SOCS7: variants seen among roughly 807,000 people sequenced by gnomAD.
SOCS7 encodes the protein suppressor of cytokine signaling 7, also known as NAP-4.
In SOCS7, 18 loss-of-function variants were observed where a neutral mutation model predicts 58.9. The ratio of observed to expected loss-of-function variants is 0.31; its 90% CI spans 0.21 to 0.45. SOCS7 has a LOEUF of 0.45. SOCS7 is among the 20% of genes least tolerant of loss of function. SOCS7 has a pLI of 1.00. For missense variants in SOCS7, 667 were observed against 837.3 expected (o/e 0.80, Z 2.51); for synonymous variants, 388 against 364.3 (o/e 1.06, Z -0.74).
At chr17:38,363,905 T>C (rs1235914628) in intron 2 of SOCS7, among the ~76,000 whole-genome samples, 2 of 152,188 alleles carry the variant, frequency 1.3e-5, no homozygotes, top group Non-Finnish European at 2.9e-5. Flanking sequence ...AAAATAACCG[T>C]ATTCCTGGCT....
intron 7 of SOCS7, among the ~76,000 whole-genome samples, chr17:38,383,924 C>T (rs550692943): frequency 6.6e-6 from 1 of 152,272 alleles, no homozygotes; most frequent in South Asian, 2.1e-4. Context: ...GGTTATTTCA[C>T]TTACGCTTGT....
intron 7 of SOCS7, among the ~76,000 whole-genome samples, chr17:38,384,245 T>C (rs917194427): frequency 1.3e-5 from 2 of 152,238 alleles, no homozygotes; most frequent in African/African-American, 4.8e-5. Flanking sequence ...CTGCCCTGTT[T>C]GTATACCTGT....
rs2037723227 is a variant in SOCS7 at position 38,361,792 on chromosome 17, T to C, written c.1045+17T>C. ...TGTTCACAGGTAAGGGTAATATCTT[T>C]CTCTCTTCTGACATCTGAAAACAGG... On this transcript the variant is annotated intron_variant, in intron 2 of 9. Coordinates refer to ENST00000612932, the MANE Select transcript of SOCS7 (RefSeq NM_014598.4). The C allele has an allele frequency of 2.5e-6, 4 of 1,586,050 alleles. No individual in the cohort carries two copies. The highest frequency in any genetic ancestry group is 2.2e-5 in the East Asian group (1 of 44,724).
Position 38,400,326 on chromosome 17 carries a change from G to A in SOCS7, c.*844G>A, listed in dbSNP as rs1214018077. 1 of 152,176 alleles carries A rather than the reference G, an allele frequency of 6.6e-6. No homozygotes were observed. Among genetic ancestry groups the A allele is most frequent in the Non-Finnish European group, 1.5e-5 (1 of 68,054 alleles). 9.4% of individuals were successfully genotyped at this position (152,176 alleles called of 1,614,324 possible). On this transcript the variant is annotated 3_prime_UTR_variant, in exon 10 of 10. Coordinates refer to ENST00000612932, the MANE Select transcript of SOCS7 (RefSeq NM_014598.4). ...TGATCATGGTAACAGCATCCCTATT[G>A]CTTCTGCCAGCTGTCATGGCAATCG... is the stretch of plus-strand genomic sequence containing the variant.
intron 7 of SOCS7, among the ~76,000 whole-genome samples, chr17:38,387,133 G>GTGTGTA (rs1269515665): frequency 1.4e-5 from 1 of 73,484 alleles, no homozygotes; most frequent in East Asian, 4.2e-4. Context: ...ATATATGTAT[G>GTGTGTA]TATATATATA....
intron 7 of SOCS7, among the ~76,000 whole-genome samples, chr17:38,391,819 T>C (rs2038176305): frequency 1.3e-5 from 2 of 152,234 alleles, no homozygotes; most frequent in Admixed American, 1.3e-4. Context: ...AGATCTGGAA[T>C]GTGAAACAGA....
At chr17:38,360,384 A>C (rs1567736432) in intron 1 of SOCS7, among the ~76,000 whole-genome samples, 1 of 149,986 alleles carries the variant, frequency 6.7e-6, no homozygotes, top group Admixed American at 6.6e-5. Flanking sequence ...GTAGAGATGG[A>C]GTTTCACCAT....
intron 5 of SOCS7, 72 bp downstream of exon 5, chr17:38,366,489 T>C: frequency 6.5e-7 from 1 of 1,540,138 alleles, no homozygotes; most frequent in Non-Finnish European, 8.9e-7. Context: ...GACACACCTT[T>C]ATTTATGTGT....
intron 7 of SOCS7, among the ~76,000 whole-genome samples, chr17:38,392,779 C>G (rs2038187784): frequency 6.6e-6 from 1 of 152,140 alleles, no homozygotes; most frequent in Non-Finnish European, 1.5e-5. Flanking sequence ...GGCAGAGGTG[C>G]AGGCACTCTA....
chr17:38,357,133 G>A (rs1368772292), intron 1 of SOCS7, among the ~76,000 whole-genome samples: 1 of 152,194 alleles, frequency 6.6e-6, no homozygotes, highest in African/African-American at 2.4e-5. Context: ...TCTGGAAAGA[G>A]AGGCAGGCTG....
chr17:38,364,586 G>A (rs1409617124), intron 2 of SOCS7, among the ~76,000 whole-genome samples, 166 bp from the exon 3 acceptor site: 1 of 152,156 alleles, frequency 6.6e-6, no homozygotes, highest in Non-Finnish European at 1.5e-5. Flanking sequence ...TTTAAAAATT[G>A]ACTTCCTGGT....
At chr17:38,367,799 C>A in intron 5 of SOCS7, 83 bp from the exon 6 acceptor site, 1 of 1,267,072 alleles carries the variant, frequency 7.9e-7, no homozygotes, top group Non-Finnish European at 1.1e-6. Context: ...GCAGAGGGTT[C>A]TCCCATGTTA....
chr17:38,372,492 G>C (rs1245795650), intron 6 of SOCS7, among the ~76,000 whole-genome samples: 1 of 152,234 alleles, frequency 6.6e-6, no homozygotes, highest in African/African-American at 2.4e-5. Flanking sequence ...CTCAAGTGTT[G>C]CAAGTATCCG....
rs1433888428 is a variant in SOCS7 at position 38,396,008 on chromosome 17, C to G, written c.*30+10C>G. ...CTGGTCACCACCAAGGGTATGAGCT[C>G]TCTGCCTCACTGCCCAGCCACATTT... On this transcript the variant is annotated intron_variant, in intron 9 of 9. Coordinates refer to ENST00000612932, the MANE Select transcript of SOCS7 (RefSeq NM_014598.4). 1 of 1,556,606 alleles carries G rather than the reference C, an allele frequency of 6.4e-7. No homozygotes were observed. Among genetic ancestry groups the G allele is most frequent in the Non-Finnish European group, 8.6e-7 (1 of 1,161,124 alleles).
intron 5 of SOCS7, among the ~76,000 whole-genome samples, chr17:38,366,666 AT>A (rs2037794378): frequency 6.6e-6 from 1 of 152,038 alleles, no homozygotes; most frequent in African/African-American, 2.4e-5. Context: ...GCTAAAATTT[AT>A]TTATATTTTT....
intron 7 of SOCS7, among the ~76,000 whole-genome samples, chr17:38,389,907 A>ATATATATATAT (rs2038146563): frequency 2.2e-5 from 2 of 90,200 alleles, no homozygotes; most frequent in African/African-American, 4.2e-5. Flanking sequence ...ATACACATAT[A>ATATATATATAT]GAGAGAGAGA....
At chr17:38,396,567 T>G (rs1283697276) in intron 9 of SOCS7, among the ~76,000 whole-genome samples, 1 of 152,232 alleles carries the variant, frequency 6.6e-6, no homozygotes, top group East Asian at 1.9e-4. Flanking sequence ...CAAAGTAAAT[T>G]GTTGAAACTA....
intron 6 of SOCS7, among the ~76,000 whole-genome samples, chr17:38,368,930 C>G (rs1443252275): frequency 6.6e-6 from 1 of 152,182 alleles, no homozygotes; most frequent in African/African-American, 2.4e-5. Context: ...ATCTGCCATT[C>G]TCCTAGTGGT....
intron 6 of SOCS7, 43 bp from the exon 7 acceptor site, chr17:38,377,671 G>A (rs1405186708): frequency 6.3e-7 from 1 of 1,580,576 alleles, no homozygotes; most frequent in South Asian, 1.2e-5. Flanking sequence ...CATGTCTTCT[G>A]AAGTAAGTTT....
Sources: allele counts gnomAD v4.1 joint callset (sites outside exome capture counted in the v4.1 genomes callset), GRCh38; gene constraint gnomAD v4.1.1; transcripts MANE v1.5; gene names NCBI Gene and HGNC (gene_info 2026-07-23, HGNC 2026-07-21).